Variants in TMEFF2 observed in about 807,000 individuals in gnomAD.
The protein encoded by TMEFF2 is transmembrane protein with EGF like and two follistatin like domains 2, also known as tomoregulin-2.
A neutral mutation model predicts 53.8 loss-of-function variants in TMEFF2; 28 were observed. The observed-to-expected ratio is 0.52, with a 90% CI of 0.39 to 0.71. The LOEUF (loss-of-function observed/expected upper bound fraction) is 0.71. Among genes scored for constraint, TMEFF2 ranks in the 30% least tolerant of loss-of-function variants. The pLI, the probability that TMEFF2 is intolerant of heterozygous loss-of-function variation, is 0.00. For synonymous variants in TMEFF2, 162 were observed against 166.3 expected, an observed-to-expected ratio of 0.97 and a Z score of 0.20; for missense variants, 353 against 455.2, an observed-to-expected ratio of 0.78 and a Z score of 2.04.
chr2:191,986,967 G>C (rs977938889), intron 7 of TMEFF2, among the ~76,000 whole-genome samples: 1 of 151,690 alleles, frequency 6.6e-6, no homozygotes, highest in Non-Finnish European at 1.5e-5. Context: ...GAGAATTCAA[G>C]AATGATTAGG....
chr2:191,988,121 C>T (rs1428721067), intron 7 of TMEFF2, among the ~76,000 whole-genome samples: 1 of 152,152 alleles, frequency 6.6e-6, no homozygotes, highest in East Asian at 1.9e-4. Context: ...TACTTAGACA[C>T]ATAAGCATTA....
chr2:192,083,887 G>A (rs1427493797), intron 4 of TMEFF2, among the ~76,000 whole-genome samples: 1 of 151,952 alleles, frequency 6.6e-6, no homozygotes, highest in African/African-American at 2.4e-5. Context: ...GCAGGTAAAA[G>A]GGGTCTTAGA....
chr2:192,012,968 A>C (rs1468133553), intron 5 of TMEFF2, among the ~76,000 whole-genome samples: 1 of 152,222 alleles, frequency 6.6e-6, no homozygotes, highest in Non-Finnish European at 1.5e-5. Flanking sequence ...ACAGCAAAAG[A>C]TAAGTCCATA....
At chr2:191,964,499 T>C (rs1692416021) in intron 7 of TMEFF2, among the ~76,000 whole-genome samples, 1 of 150,540 alleles carries the variant, frequency 6.6e-6, no homozygotes, top group Non-Finnish European at 1.5e-5. Flanking sequence ...CCCTCCATCA[T>C]CCTCAAGGGC....
At chr2:192,044,278 G>A (rs1687557539) in intron 5 of TMEFF2, 1 of 152,182 alleles carries the variant, frequency 6.6e-6, no homozygotes, top group African/African-American at 2.4e-5. Context: ...TAGTGAGCAA[G>A]AAGTAGCAAC....
intron 4 of TMEFF2, among the ~76,000 whole-genome samples, chr2:192,113,991 C>T (rs1478871115): frequency 1.3e-5 from 2 of 151,692 alleles, no homozygotes; most frequent in Non-Finnish European, 2.9e-5. Flanking sequence ...ATAACATTGA[C>T]AATCAAAACC....
At chr2:192,095,861 T>C (rs899264809) in intron 4 of TMEFF2, among the ~76,000 whole-genome samples, 1 of 152,068 alleles carries the variant, frequency 6.6e-6, no homozygotes, top group African/African-American at 2.4e-5. Flanking sequence ...ATACAGCAAA[T>C]AAAATGTATG....
intron 4 of TMEFF2, among the ~76,000 whole-genome samples, chr2:192,102,663 C>T (rs1689059602): frequency 1.8e-5 from 2 of 108,900 alleles, no homozygotes; most frequent in Non-Finnish European, 3.4e-5. Flanking sequence ...GAGTCTTGCT[C>T]TGTCACCCAA....
chr2:191,977,284 C>T (rs540214437), intron 7 of TMEFF2, among the ~76,000 whole-genome samples: 1 of 152,286 alleles, frequency 6.6e-6, no homozygotes, highest in Admixed American at 6.5e-5. Flanking sequence ...GGAGTGTGGT[C>T]CATGCCATAG....
At chr2:192,181,215 T>C (rs1364319031) in intron 3 of TMEFF2, among the ~76,000 whole-genome samples, 1 of 151,808 alleles carries the variant, frequency 6.6e-6, no homozygotes, top group Non-Finnish European at 1.5e-5. Context: ...GGGTGCTTTT[T>C]GTATACTTTC....
intron 4 of TMEFF2, among the ~76,000 whole-genome samples, chr2:192,083,897 A>G (rs954235708): frequency 2.0e-5 from 3 of 152,034 alleles, no homozygotes; most frequent in Non-Finnish European, 4.4e-5. Flanking sequence ...GGGGTCTTAG[A>G]AAAGGGAATT....
chr2:192,158,481 G>A (rs1247058636), intron 4 of TMEFF2, among the ~76,000 whole-genome samples: 1 of 152,062 alleles, frequency 6.6e-6, no homozygotes, highest in Non-Finnish European at 1.5e-5. Flanking sequence ...ATAACACTAT[G>A]CGATATTCAG....
intron 4 of TMEFF2, among the ~76,000 whole-genome samples, chr2:192,145,368 C>T (rs1281741209): frequency 6.6e-6 from 1 of 151,742 alleles, no homozygotes; most frequent in Non-Finnish European, 1.5e-5. Context: ...CAGTAAAATG[C>T]TGAGCTGAAA....
At chr2:191,965,995 A>G (rs1248625319) in intron 7 of TMEFF2, among the ~76,000 whole-genome samples, 1 of 151,630 alleles carries the variant, frequency 6.6e-6, no homozygotes, top group Admixed American at 6.6e-5. Flanking sequence ...TTTAAGAAAA[A>G]AAAAAAAAAC....
chr2:192,105,735 A>C (rs1296467445), intron 4 of TMEFF2, among the ~76,000 whole-genome samples: 1 of 152,032 alleles, frequency 6.6e-6, no homozygotes, highest in African/African-American at 2.4e-5. Context: ...ATATATGCAG[A>C]AAATGGAAGG....
At chr2:192,113,992 A>G (rs1689342088) in intron 4 of TMEFF2, among the ~76,000 whole-genome samples, 1 of 151,962 alleles carries the variant, frequency 6.6e-6, no homozygotes, top group African/African-American at 2.4e-5. Flanking sequence ...TAACATTGAC[A>G]ATCAAAACCG....
chr2:191,965,013 C>A (rs184154678), intron 7 of TMEFF2, among the ~76,000 whole-genome samples: 150 of 152,200 alleles, frequency 9.9e-4, no homozygotes, highest in African/African-American at 3.5e-3. Context: ...TGATACTTCC[C>A]TAAGGTTCTT....
rs55848067 is a variant in TMEFF2, at chr2:191,990,416, A to AGTGTGTGTGTGTGTGTGTGTGT, written c.745+7845_745+7846insACACACACACACACACACACAC. Among the ~76,000 whole-genome samples the AGTGTGTGTGTGTGTGTGTGTGT allele has an allele frequency of 1.4e-3, 202 of 147,346 alleles. 1 individual carries two copies. Among genetic ancestry groups the AGTGTGTGTGTGTGTGTGTGTGT allele is most frequent in the African/African-American group, 2.9e-3 (115 of 40,106 alleles). On this transcript the variant is annotated intron_variant, in intron 7 of 9. Coordinates refer to ENST00000272771, the MANE Select transcript of TMEFF2 (RefSeq NM_016192.4). Reference sequence around the variant, plus strand: ...AGCAGCAAATCAAAGTGCTCAGAATAGTGTGTGTGTGTGTGTGTGTTGTTT... The same window carrying AGTGTGTGTGTGTGTGTGTGTGT: ...AGCAGCAAATCAAAGTGCTCAGAATAGTGTGTGTGTGTGTGTGTGTGTGTGTGTGTGTGTGTGTGTGTTGTTT...
At chr2:192,149,583 A>T (rs1690336854) in intron 4 of TMEFF2, among the ~76,000 whole-genome samples, 1 of 151,968 alleles carries the variant, frequency 6.6e-6, no homozygotes. Flanking sequence ...TTTAATAGAA[A>T]AGCTGCCTTA....
Sources: gnomAD v4.1 joint callset for allele counts (sites outside exome capture counted in the v4.1 genomes callset) on GRCh38, gnomAD v4.1.1 for gene constraint, MANE v1.5 for transcripts, NCBI Gene and HGNC (gene_info 2026-07-23, HGNC 2026-07-21) for gene names.